PMAIP1: variants seen among roughly 807,000 people sequenced by gnomAD.
The protein encoded by PMAIP1 is phorbol-12-myristate-13-acetate-induced protein 1.
A neutral mutation model predicts 3.7 loss-of-function variants in PMAIP1; 3 were observed. That is an observed-to-expected ratio of 0.82 (90% CI 0.37 to 2.12). The LOEUF (loss-of-function observed/expected upper bound fraction) is 2.12, where lower values mean the gene tolerates loss of function less well. Among genes scored for constraint, PMAIP1 ranks in the 30% most tolerant of loss-of-function variants. The pLI, the probability that PMAIP1 is intolerant of heterozygous loss-of-function variation, is 0.06. For missense variants in PMAIP1, 77 were observed against 67.1 expected, an observed-to-expected ratio of 1.15 and a Z score of -0.52; for synonymous variants, 29 against 26.2, an observed-to-expected ratio of 1.11 and a Z score of -0.32.
intron 1 of PMAIP1, 53 bp downstream of exon 1, chr18:59,900,288 G>T (rs1183852777): frequency 1.3e-6 from 2 of 1,528,442 alleles, no homozygotes; most frequent in Non-Finnish European, 1.8e-6. Flanking sequence ...GTCGGGGCCG[G>T]GGTCGAGGTC....
At chr18:59,900,327 G>A (rs866493722) in intron 1 of PMAIP1, 92 bp downstream of exon 1, 401 of 1,513,382 alleles carry the variant, frequency 2.6e-4, no homozygotes, top group East Asian at 1.2e-3. Context: ...GCTCGCCGGG[G>A]CTCAAGCACA....
chr18:59,902,241 A>T (rs2055776496), intron 1 of PMAIP1, among the ~76,000 whole-genome samples: 1 of 152,222 alleles, frequency 6.6e-6, no homozygotes, highest in Non-Finnish European at 1.5e-5. Context: ...AGAGAAAAAG[A>T]TGACATCATC....
chr18:59,900,678 C>A, intron 1 of PMAIP1: 2 of 1,256,148 alleles, frequency 1.6e-6, no homozygotes, highest in African/African-American at 1.5e-5. Flanking sequence ...GAGACGGCCC[C>A]ACAAGGGCCC....
intron 1 of PMAIP1, among the ~76,000 whole-genome samples, chr18:59,901,293 T>C (rs914776673): frequency 6.6e-6 from 1 of 152,236 alleles, no homozygotes; most frequent in Non-Finnish European, 1.5e-5. Context: ...CCGGGAAGTA[T>C]TTTCTGCCTT....
Position 59,900,097 on chromosome 18 carries a change from T to C in PMAIP1, c.-81T>C. ...CAGGACTGTTCGTGTTCAGCTCGCG[T>C]CCTGCAGCTGTCCGAGGTGCTCCAG... On this transcript the variant is annotated 5_prime_UTR_variant, in exon 1 of 2. Coordinates refer to ENST00000316660, the MANE Select transcript of PMAIP1 (RefSeq NM_021127.3). The C allele has an allele frequency of 3.4e-6, 5 of 1,457,146 alleles. No homozygotes were observed. The highest frequency in any genetic ancestry group is 4.6e-6 in the Non-Finnish European group (5 of 1,077,052). 90.3% of individuals were successfully genotyped at this position (1,457,146 alleles called of 1,614,324 possible).
rs1298899537 is a variant in PMAIP1 at position 59,900,101 on chromosome 18, G to A, written c.-77G>A. ...ACTGTTCGTGTTCAGCTCGCGTCCT[G>A]CAGCTGTCCGAGGTGCTCCAGTTGG... On this transcript the variant is annotated 5_prime_UTR_variant, in exon 1 of 2. Transcript: ENST00000316660. The A allele has an allele frequency of 6.8e-7, 1 of 1,472,116 alleles. No individual in the cohort carries two copies. The highest frequency in any genetic ancestry group is 2.5e-5 in the East Asian group (1 of 40,522). The allele number at this position is 1,472,116 out of a possible 1,614,324, so 91.2% of individuals were successfully genotyped here.
At position 59,904,082 on chromosome 18, in the gene PMAIP1, A is replaced by C. The variant is rs1188469074; in HGVS notation, c.*1329A>C. The C allele has an allele frequency of 6.6e-6, 1 of 152,166 alleles. No individual in the cohort carries two copies. Among genetic ancestry groups the C allele is most frequent in the East Asian group, 1.9e-4 (1 of 5,200 alleles). 9.4% of individuals were successfully genotyped at this position (152,166 alleles called of 1,614,324 possible). A position where few individuals can be genotyped will look rare whatever the true frequency, so the allele number is the denominator to read the frequency against. On this transcript the variant is annotated 3_prime_UTR_variant, in exon 2 of 2. Coordinates refer to ENST00000316660, the MANE Select transcript of PMAIP1 (RefSeq NM_021127.3). ...TTATAACTACTTGAATTTTTAGTTA[A>C]AATGTCTTAATGTAGGTTGTAGTCA...
At chr18:59,900,958 C>T (rs975268650) in intron 1 of PMAIP1, among the ~76,000 whole-genome samples, 1 of 152,186 alleles carries the variant, frequency 6.6e-6, no homozygotes, top group East Asian at 1.9e-4. Flanking sequence ...TACGCCCCCC[C>T]CACCTTTTAA....
rs762485809 is a variant in PMAIP1, at chr18:59,900,215, G to T, written c.38G>T (p.Ser13Ile). 1 of 1,553,732 alleles carries T rather than the reference G, an allele frequency of 6.4e-7. No homozygotes were observed. The highest frequency in any genetic ancestry group is 1.9e-5 in the Admixed American group (1 of 51,346). ...AAGGCGCGCAAGAACGCTCAACCGA[G>T]CCCCGCGCGGGCTCCAGCAGGTACC... ...GKKARKNAQP[S>I]PARAPAELEV... is the part of the protein sequence containing the mutation. Residue 13 changes from serine to isoleucine, a missense_variant, in exon 1 of 2, where the codon AGC becomes ATC. Coordinates refer to ENST00000316660, the MANE Select transcript of PMAIP1 (RefSeq NM_021127.3).
chr18:59,900,533 C>G, intron 1 of PMAIP1: 1 of 1,550,560 alleles, frequency 6.4e-7, no homozygotes, highest in Non-Finnish European at 8.7e-7. Flanking sequence ...TCTCTTTCCT[C>G]CTCGCCACTT....
chr18:59,902,570 GT>G, intron 1 of PMAIP1, 76 bp from the exon 2 acceptor site: 2 of 1,221,746 alleles, frequency 1.6e-6, no homozygotes, highest in Non-Finnish European at 2.4e-6. Flanking sequence ...TGTCACTAGT[GT>G]GGGCGTATTA....
intron 1 of PMAIP1, chr18:59,900,561 C>A: frequency 6.4e-7 from 1 of 1,550,436 alleles, no homozygotes; most frequent in Non-Finnish European, 8.7e-7. Context: ...CCCGGGGCCA[C>A]GAGGAACAAG....
Position 59,900,184 on chromosome 18 carries a change from G to A in PMAIP1, c.7G>A (p.Gly3Arg), listed in dbSNP as rs1029853802. 7 of 1,559,720 alleles carry A rather than the reference G, an allele frequency of 4.5e-6. No homozygotes were observed. The African/African-American group carries it at 9.4e-5, about 21-fold the overall frequency. ...GGCGGCGGCACCGGCGGAGATGCCT[G>A]GGAAGAAGGCGCGCAAGAACGCTCA... is the stretch of plus-strand genomic sequence containing the variant. MP[G>R]KKARKNAQPS... is the part of the protein sequence containing the mutation. Residue 3 changes from glycine (G) to arginine (R), a missense_variant, in exon 1 of 2, where the codon GGG becomes AGG. Physicochemically the swap from Gly to Arg is moderately radical, Grantham distance 125. Transcript: ENST00000316660.
chr18:59,902,785 T>C lies in PMAIP1; in HGVS notation c.*32T>C. The C allele has an allele frequency of 6.2e-7, 1 of 1,614,086 alleles. No individual in the cohort carries two copies. The highest frequency in any genetic ancestry group is 8.5e-7 in the Non-Finnish European group (1 of 1,179,976). ...CAAAAACTTGCATGAGGGGACTCCT[T>C]CAAAAGAGTTTTCTCAGGAGGTGCA... On this transcript the variant is annotated 3_prime_UTR_variant, in exon 2 of 2. Transcript: ENST00000316660.
chr18:59,900,511 C>T, intron 1 of PMAIP1: 1 of 1,550,482 alleles, frequency 6.4e-7, no homozygotes, highest in Non-Finnish European at 8.7e-7. Context: ...GGGCAAAAAG[C>T]TCCTTTCCTC....
At chr18:59,900,553 C>G (rs1241141184) in intron 1 of PMAIP1, 2 of 1,550,404 alleles carry the variant, frequency 1.3e-6, no homozygotes, top group Admixed American at 2.0e-5. Context: ...TGCCCTTCCC[C>G]GGGGCCACGA....
rs768357757 is a variant in PMAIP1 at position 59,900,570 on chromosome 18, A to C, written c.58+335A>C. On this transcript the variant is annotated intron_variant, in intron 1 of 1. Coordinates refer to ENST00000316660, the MANE Select transcript of PMAIP1 (RefSeq NM_021127.3). ...CCCTTCCCCGGGGCCACGAGGAACA[A>C]GTGCAAGTGTAGGCGGCTGTCTCTA... The C allele has an allele frequency of 1.8e-5, 28 of 1,550,280 alleles. 1 individual carries two copies. In the African/African-American group the frequency reaches 3.3e-4, roughly 18 times the overall value.
At chr18:59,900,510 G>A (rs1367380461) in intron 1 of PMAIP1, 2 of 1,550,302 alleles carry the variant, frequency 1.3e-6, no homozygotes, top group Non-Finnish European at 1.7e-6. Flanking sequence ...GGGGCAAAAA[G>A]CTCCTTTCCT....
chr18:59,900,432 G>T lies in PMAIP1; in HGVS notation c.58+197G>T, dbSNP rs533372872. On this transcript the variant is annotated intron_variant, in intron 1 of 1. Coordinates refer to ENST00000316660, the MANE Select transcript of PMAIP1 (RefSeq NM_021127.3). ...TTCTTCGGGGTTTTTCCCCAGGACC[G>T]GCGGGTACGGCGGGTACGGCGAGGG... 4.0e-6 allele frequency: 6 copies of T among 1,508,716 alleles called. No individual in the cohort carries two copies. In the East Asian group the frequency reaches 1.2e-4, roughly 31 times the overall value. The allele number at this position is 1,508,716 out of a possible 1,614,324, so 93.5% of individuals were successfully genotyped here. A position where few individuals can be genotyped will look rare whatever the true frequency, so the allele number is the denominator to read the frequency against.
Sources: allele counts gnomAD v4.1 joint callset (sites outside exome capture counted in the v4.1 genomes callset), GRCh38; gene constraint gnomAD v4.1.1; transcripts MANE v1.5; gene names NCBI Gene and HGNC (gene_info 2026-07-23, HGNC 2026-07-21).